ZFYVE9: variants seen among roughly 807,000 people sequenced by gnomAD.
ZFYVE9 encodes zinc finger FYVE domain-containing protein 9.
A neutral mutation model predicts 126.7 loss-of-function variants in ZFYVE9; 43 were observed. That is an observed-to-expected ratio of 0.34 (90% CI 0.27 to 0.44). The LOEUF is 0.44. Among genes scored for constraint, ZFYVE9 ranks in the 20% least tolerant of loss-of-function variants. The pLI is 1.00. For missense variants in ZFYVE9, 1,476 were observed against 1,697.0 expected (o/e 0.87, Z 2.29); for synonymous variants, 521 against 597.4 (o/e 0.87, Z 1.87).
intron 17 of ZFYVE9, among the ~76,000 whole-genome samples, chr1:52,343,998 A>T (rs554511908): frequency 6.6e-6 from 1 of 151,724 alleles, no homozygotes; most frequent in East Asian, 2.0e-4. Context: ...CTTGAACCTA[A>T]GAGGCAAAGG....
intron 10 of ZFYVE9, among the ~76,000 whole-genome samples, chr1:52,286,340 T>A (rs1004383908): frequency 6.6e-6 from 1 of 152,232 alleles, no homozygotes; most frequent in African/African-American, 2.4e-5. Context: ...TGAACTTTTT[T>A]ATAACTTCCT....
intron 2 of ZFYVE9, among the ~76,000 whole-genome samples, chr1:52,226,171 T>C (rs1457931882): frequency 6.6e-6 from 1 of 152,116 alleles, no homozygotes; most frequent in Non-Finnish European, 1.5e-5. Flanking sequence ...TGCCATCTTA[T>C]CTGCTCCTTA....
intron 1 of ZFYVE9, among the ~76,000 whole-genome samples, chr1:52,178,154 C>T (rs934998857): frequency 3.3e-5 from 5 of 151,276 alleles, no homozygotes; most frequent in African/African-American, 4.8e-5. Flanking sequence ...TGGCTGGCGC[C>T]TGTAGTCTCA....
chr1:52,190,044 A>G (rs959738869), intron 1 of ZFYVE9: 3 of 157,780 alleles, frequency 1.9e-5, no homozygotes, highest in African/African-American at 4.8e-5. Flanking sequence ...GTGAGTATAT[A>G]TAGACCTCAT....
intron 10 of ZFYVE9, among the ~76,000 whole-genome samples, chr1:52,293,229 G>C (rs1033885584): frequency 2.0e-5 from 3 of 151,754 alleles, no homozygotes; most frequent in African/African-American, 7.3e-5. Flanking sequence ...ATACAAAAAA[G>C]TTAGCCAGGT....
In ZFYVE9 at chr1:52,284,564, C is replaced by T. The variant is rs149907818; in HGVS notation, c.3025+2748C>T. On this transcript the variant is annotated intron_variant, in intron 10 of 18. Transcript: ENST00000287727. ...CCTCCCAAGTAGCTGGGACTACAGGCGCCCGCCACCACGCCTGGCTAATTT... is the reference window on the plus strand; with the variant it reads ...CCTCCCAAGTAGCTGGGACTACAGGTGCCCGCCACCACGCCTGGCTAATTT... Among the ~76,000 whole-genome samples, 598 of 152,080 alleles carry T rather than the reference C, an allele frequency of 3.9e-3. 13 individuals carry two copies. In the South Asian group the frequency reaches 0.043, roughly 11 times the overall value.
intron 4 of ZFYVE9, among the ~76,000 whole-genome samples, chr1:52,247,773 A>G (rs1557479353): frequency 6.6e-6 from 1 of 152,158 alleles, no homozygotes; most frequent in African/African-American, 2.4e-5. Flanking sequence ...CTGGGATTAC[A>G]GGTGTGAGCC....
chr1:52,206,961 A>G (rs1557457140), intron 1 of ZFYVE9, among the ~76,000 whole-genome samples: 5 of 152,242 alleles, frequency 3.3e-5, no homozygotes, highest in Non-Finnish European at 7.3e-5. Flanking sequence ...ACACACACAG[A>G]GAGAATTATA....
chr1:52,193,597 C>T (rs1335536767), intron 1 of ZFYVE9, among the ~76,000 whole-genome samples: 1 of 150,258 alleles, frequency 6.7e-6, no homozygotes, highest in East Asian at 2.0e-4. Flanking sequence ...ATCCTAGCCA[C>T]TCAGGAGGTT....
intron 1 of ZFYVE9, among the ~76,000 whole-genome samples, chr1:52,163,185 A>G (rs370215599): frequency 3.3e-5 from 5 of 152,124 alleles, no homozygotes; most frequent in African/African-American, 7.2e-5. Context: ...CCCCCATTCA[A>G]TTTTAACTTT....
intron 14 of ZFYVE9, 87 bp from the exon 15 acceptor site, chr1:52,334,601 A>C: frequency 2.6e-5 from 35 of 1,329,390 alleles, no homozygotes; most frequent in Non-Finnish European, 3.4e-5. Flanking sequence ...GATGGTCGGA[A>C]TTCTCAACTT....
At chr1:52,157,466 T>G (rs1644414246) in intron 1 of ZFYVE9, among the ~76,000 whole-genome samples, 1 of 135,828 alleles carries the variant, frequency 7.4e-6, no homozygotes, top group Non-Finnish European at 1.5e-5. Context: ...AGTGGTGTGG[T>G]CTCAGCTCAC....
chr1:52,287,293 A>G (rs1440659963), intron 10 of ZFYVE9, among the ~76,000 whole-genome samples: 1 of 152,026 alleles, frequency 6.6e-6, no homozygotes, highest in Non-Finnish European at 1.5e-5. Flanking sequence ...TTGTGTTTTT[A>G]GTAGAGACGA....
At chr1:52,233,124 A>T in intron 2 of ZFYVE9, 47 bp from the exon 3 acceptor site, 1 of 873,098 alleles carries the variant, frequency 1.1e-6, no homozygotes. Context: ...TAAGATTTAT[A>T]AATTATATTT....
intron 4 of ZFYVE9, among the ~76,000 whole-genome samples, chr1:52,246,956 C>CCT (rs1272709973): frequency 6.6e-6 from 1 of 152,048 alleles, no homozygotes; most frequent in East Asian, 1.9e-4. Context: ...GATCCACCCA[C>CCT]CTTTGCCTTC....
intron 1 of ZFYVE9, among the ~76,000 whole-genome samples, chr1:52,192,625 A>G (rs1257515532): frequency 1.3e-5 from 2 of 152,198 alleles, no homozygotes; most frequent in African/African-American, 4.8e-5. Context: ...GGGTCAGAGC[A>G]TAGGTGTCAT....
chr1:52,276,353 T>C (rs1275122910), intron 8 of ZFYVE9, among the ~76,000 whole-genome samples: 1 of 152,244 alleles, frequency 6.6e-6, no homozygotes, highest in Admixed American at 6.5e-5. Flanking sequence ...TCTGTACTTT[T>C]TCTTGTGCTG....
At chr1:52,226,093 T>C (rs1427458279) in intron 2 of ZFYVE9, among the ~76,000 whole-genome samples, 2 of 152,164 alleles carry the variant, frequency 1.3e-5, no homozygotes, top group African/African-American at 2.4e-5. Flanking sequence ...GAAGTTTACA[T>C]AGCATGCAGG....
In ZFYVE9 at chr1:52,344,894, G is replaced by A; in HGVS notation, c.4066G>A (p.Glu1356Lys). ...ALCPHLKLLK[E>K]DGMTKLGLRV... ...CTGTCCTCACCTGAAACTTCTGAAG[G>A]AAGATGGAATGACCAAACTGGGACT... The change falls in exon 18 of 19, where the codon GAA (glutamate) becomes AAA (lysine). Residue 1356 changes from glutamate to lysine, a missense_variant. Glu to Lys is a moderately conservative substitution (Grantham distance 56). This residue lies in a region of ZFYVE9 where 669 missense variants were observed against 902.4 expected (regional missense o/e 0.74). Coordinates refer to ENST00000287727, the MANE Select transcript of ZFYVE9 (RefSeq NM_004799.4). 6.2e-7 allele frequency: 1 copy of A among 1,614,194 alleles called. No homozygotes were observed. The highest frequency in any genetic ancestry group is 8.5e-7 in the Non-Finnish European group (1 of 1,180,040).
Sources: gnomAD v4.1 joint callset for allele counts (sites outside exome capture counted in the v4.1 genomes callset) on GRCh38, gnomAD v4.1.1 for gene constraint, gnomAD v4.1.1 regional missense constraint, MANE v1.5 for transcripts, NCBI Gene and HGNC (gene_info 2026-07-23, HGNC 2026-07-21) for gene names.